AGBL4: variants seen among roughly 807,000 people sequenced by gnomAD.
AGBL4 encodes AGBL carboxypeptidase 4, also known as cytosolic carboxypeptidase 6.
A neutral mutation model predicts 66.4 loss-of-function variants in AGBL4; 58 were observed. That is an observed-to-expected ratio of 0.87 (90% confidence interval 0.71 to 1.09). The LOEUF (loss-of-function observed/expected upper bound fraction) is 1.09, where lower values mean the gene tolerates loss of function less well. Among genes scored for constraint, AGBL4 ranks in the 50% least tolerant of loss-of-function variants. The pLI is 0.00. For missense variants in AGBL4, 579 were observed against 631.0 expected, an observed-to-expected ratio of 0.92 and a Z score of 0.88; for synonymous variants, 234 against 222.9, an observed-to-expected ratio of 1.05 and a Z score of -0.44.
chr1:49,252,997 A>C (rs148612592), intron 3 of AGBL4, among the ~76,000 whole-genome samples: 35 of 152,250 alleles, frequency 2.3e-4, no homozygotes, highest in South Asian at 6.2e-4. Context: ...GCAACCACAT[A>C]AACAAGTCCA....
intron 4 of AGBL4, among the ~76,000 whole-genome samples, chr1:49,129,581 G>A (rs1645844265): frequency 6.6e-6 from 1 of 150,846 alleles, no homozygotes; most frequent in Non-Finnish European, 1.5e-5. Flanking sequence ...TTTTGTCCTT[G>A]CGATAGTTTA....
At position 48,565,151 on chromosome 1, in the gene AGBL4, C is replaced by T. The variant is rs79249432; in HGVS notation, c.1267+21853G>A. On this transcript the variant is annotated intron_variant, in intron 11 of 13. Coordinates refer to ENST00000371839, the MANE Select transcript of AGBL4 (RefSeq NM_032785.4). ...CTTAATGAAGCCTAATTACAGCAGA[C>T]GATGCCTCCTACCAGGTAAGGCAAT... 3.4e-3 allele frequency among the ~76,000 whole-genome samples: 517 copies of T among 152,270 alleles called. 17 individuals carry two copies. The East Asian group carries it at 0.082, about 24-fold the overall frequency.
At chr1:48,944,386 T>C (rs941462745) in intron 5 of AGBL4, among the ~76,000 whole-genome samples, 13 of 152,198 alleles carry the variant, frequency 8.5e-5, no homozygotes, top group Admixed American at 3.9e-4. Flanking sequence ...AGAATTACTA[T>C]CGCAGGCATG....
chr1:49,766,271 T>C (rs1422941217), intron 2 of AGBL4, among the ~76,000 whole-genome samples: 1 of 152,092 alleles, frequency 6.6e-6, no homozygotes, highest in Non-Finnish European at 1.5e-5. Flanking sequence ...CCAGAAGAGA[T>C]TAGGGGCCTA....
chr1:48,961,844 A>G (rs1304393731), intron 5 of AGBL4, among the ~76,000 whole-genome samples: 2 of 152,226 alleles, frequency 1.3e-5, no homozygotes, highest in African/African-American at 2.4e-5. Flanking sequence ...ACCTAAGATC[A>G]GGAGCCACCT....
intron 1 of AGBL4, among the ~76,000 whole-genome samples, chr1:49,854,057 A>C (rs1646371084): frequency 6.6e-6 from 1 of 152,112 alleles, no homozygotes; most frequent in Non-Finnish European, 1.5e-5. Context: ...AATCACTCTA[A>C]AAGATAAATC....
intron 4 of AGBL4, among the ~76,000 whole-genome samples, chr1:49,230,986 T>C (rs368185512): frequency 2.0e-5 from 3 of 152,250 alleles, no homozygotes; most frequent in African/African-American, 7.2e-5. Flanking sequence ...ATTTCTAGAA[T>C]GGGTAAAAAA....
chr1:48,957,709 T>C (rs1657601410), intron 5 of AGBL4, among the ~76,000 whole-genome samples: 2 of 152,236 alleles, frequency 1.3e-5, no homozygotes, highest in South Asian at 4.1e-4. Flanking sequence ...GAGTACTTCC[T>C]ATGTTCTGAA....
intron 4 of AGBL4, among the ~76,000 whole-genome samples, chr1:49,233,677 G>GTATT (rs907685022): frequency 6.6e-6 from 1 of 152,180 alleles, no homozygotes; most frequent in African/African-American, 2.4e-5. Flanking sequence ...TTCAGACATA[G>GTATT]TATTTTCTGG....
chr1:48,691,842 C>T (rs746092583), intron 6 of AGBL4, among the ~76,000 whole-genome samples: 1 of 152,146 alleles, frequency 6.6e-6, no homozygotes, highest in Non-Finnish European at 1.5e-5. Context: ...AAGCCAAGGG[C>T]CAGAGGAATC....
At chr1:49,495,527 T>A (rs1226726747) in intron 3 of AGBL4, among the ~76,000 whole-genome samples, 2 of 151,826 alleles carry the variant, frequency 1.3e-5, no homozygotes, top group Non-Finnish European at 2.9e-5. Flanking sequence ...CATGTGTGGA[T>A]TTTTGATTTC....
chr1:49,658,050 T>C (rs1266591488), intron 3 of AGBL4, among the ~76,000 whole-genome samples: 1 of 152,098 alleles, frequency 6.6e-6, no homozygotes, highest in Non-Finnish European at 1.5e-5. Flanking sequence ...CAAAAGAAAC[T>C]ACCATCAGAG....
downstream of AGBL4, among the ~76,000 whole-genome samples, chr1:48,530,394 T>C (rs959545298): frequency 2.0e-5 from 3 of 152,202 alleles, no homozygotes; most frequent in African/African-American, 7.2e-5. Flanking sequence ...TTAATCAGCT[T>C]ACACTTCCAT....
At chr1:49,459,626 T>C (rs1646467742) in intron 3 of AGBL4, among the ~76,000 whole-genome samples, 1 of 151,652 alleles carries the variant, frequency 6.6e-6, no homozygotes, top group Non-Finnish European at 1.5e-5. Flanking sequence ...GTCTCATTTA[T>C]TTCTTGTATT....
intron 6 of AGBL4, among the ~76,000 whole-genome samples, chr1:48,784,951 C>T (rs1304131029): frequency 6.6e-6 from 1 of 152,172 alleles, no homozygotes; most frequent in African/African-American, 2.4e-5. Context: ...AAAAGATTGA[C>T]CTACCTCGGA....
At chr1:49,933,326 AAAATGAAGAGAT>A (rs1413548811) in intron 1 of AGBL4, among the ~76,000 whole-genome samples, 69 of 152,306 alleles carry the variant, frequency 4.5e-4, no homozygotes, top group African/African-American at 1.6e-3. Context: ...CTGTCCTTCA[AAAATGAAGAGAT>A]AGAGGTTCCC....
chr1:49,305,944 C>G (rs1372019664), intron 3 of AGBL4, among the ~76,000 whole-genome samples: 1 of 152,166 alleles, frequency 6.6e-6, no homozygotes, highest in Non-Finnish European at 1.5e-5. Context: ...CCCACCTTGG[C>G]CTCCCAAAGT....
intron 3 of AGBL4, among the ~76,000 whole-genome samples, chr1:49,341,348 G>A (rs1645536287): frequency 6.6e-6 from 1 of 152,172 alleles, no homozygotes; most frequent in South Asian, 2.1e-4. Context: ...AAGTGGTAGA[G>A]TGTATTTTAT....
chr1:49,740,245 CA>C (rs1650318182), intron 2 of AGBL4, among the ~76,000 whole-genome samples: 1 of 152,034 alleles, frequency 6.6e-6, no homozygotes, highest in East Asian at 1.9e-4. Flanking sequence ...GCAGGGGTTG[CA>C]ATCCTAGTCT....
Sources: allele counts gnomAD v4.1 joint callset (sites outside exome capture counted in the v4.1 genomes callset), GRCh38; gene constraint gnomAD v4.1.1; transcripts MANE v1.5; gene names NCBI Gene and HGNC (gene_info 2026-07-23, HGNC 2026-07-21).